The following SYNE2 variants were observed in gnomAD, a reference collection of about 807,000 sequenced individuals.
SYNE2 encodes the protein spectrin repeat containing nuclear envelope protein 2.
Under a neutral mutation model 856.3 loss-of-function variants are expected in SYNE2, and 431 were observed. The observed-to-expected ratio is 0.50, with a 90% CI of 0.47 to 0.55. The LOEUF (loss-of-function observed/expected upper bound fraction) is 0.55. SYNE2 is among the 20% of genes least tolerant of loss of function. SYNE2 has a pLI of 0.00. For synonymous variants in SYNE2, 2,923 were observed against 2,872.3 expected, an observed-to-expected ratio of 1.02 and a Z score of -0.56; for missense variants, 8,129 against 8,023.2, an observed-to-expected ratio of 1.01 and a Z score of -0.50.
At chr14:63,833,186 G>A (rs115589702) in intron 1 of SYNE2, among the ~76,000 whole-genome samples, 202 of 151,946 alleles carry the variant, frequency 1.3e-3, no homozygotes, top group African/African-American at 4.2e-3. Flanking sequence ...TCCAGCCTGG[G>A]TGACAAAGCA....
intron 1 of SYNE2, among the ~76,000 whole-genome samples, chr14:63,816,728 A>ATTTTAG (rs1158163130): frequency 8.6e-5 from 13 of 151,968 alleles, no homozygotes; most frequent in African/African-American, 2.9e-4. Flanking sequence ...TTTAATTTTA[A>ATTTTAG]TTTTTAGAGA....
At chr14:64,202,749 T>C in intron 99 of SYNE2, 52 bp from the exon 100 acceptor site, 4 of 1,612,606 alleles carry the variant, frequency 2.5e-6, no homozygotes, top group African/African-American at 2.7e-5. Context: ...GCTTTTGTTT[T>C]CCATCACTGG....
At chr14:64,197,980 A>G (rs2098547160) in intron 99 of SYNE2, among the ~76,000 whole-genome samples, 1 of 152,246 alleles carries the variant, frequency 6.6e-6, no homozygotes, top group Admixed American at 6.5e-5. Context: ...TTGGTTTCAT[A>G]GAAAACATTT....
intron 78 of SYNE2, among the ~76,000 whole-genome samples, chr14:64,136,855 G>T (rs1351684283): frequency 1.3e-5 from 2 of 152,084 alleles, no homozygotes; most frequent in East Asian, 3.8e-4. Context: ...GCTTTCGGGG[G>T]CAGAATAGAA....
At chr14:64,026,439 G>T (rs2096979370) in intron 41 of SYNE2, 140 bp from the exon 42 acceptor site, 4 of 692,834 alleles carry the variant, frequency 5.8e-6, no homozygotes, top group Non-Finnish European at 9.9e-6. Flanking sequence ...TGTCTTTCGG[G>T]TACATATAAA....
rs2097861105 is a variant in SYNE2, at chr14:64,117,447, A to T, written c.12841-1980A>T. Among the ~76,000 whole-genome samples the T allele has an allele frequency of 2.0e-5, 3 of 152,148 alleles. No individual in the cohort carries two copies. In the South Asian group the frequency reaches 6.2e-4, roughly 32 times the overall value. ...CCGGAATAGCTGGGACTACAGGCGT[A>T]CACCACCATGCCTGGCTAATTTTAT... On this transcript the variant is annotated intron_variant, in intron 66 of 115. Transcript: ENST00000555002.
intron 16 of SYNE2, among the ~76,000 whole-genome samples, chr14:63,981,513 G>A (rs1326609413): frequency 6.6e-6 from 1 of 152,142 alleles, no homozygotes; most frequent in Non-Finnish European, 1.5e-5. Flanking sequence ...GTACTGGCTA[G>A]CTTATAGACA....
At chr14:63,973,474 A>C (rs1474698133) in intron 11 of SYNE2, among the ~76,000 whole-genome samples, 8 of 151,774 alleles carry the variant, frequency 5.3e-5, no homozygotes, top group Non-Finnish European at 1.2e-4. Flanking sequence ...TCTACTAAAA[A>C]CACAAAAATT....
At chr14:64,172,164 A>G (rs996385763) in intron 94 of SYNE2, among the ~76,000 whole-genome samples, 1 of 152,188 alleles carries the variant, frequency 6.6e-6, no homozygotes, top group Non-Finnish European at 1.5e-5. Flanking sequence ...TATTTTTTAA[A>G]GATCACTCTG....
chr14:63,988,296 T>G (rs1232391848), intron 19 of SYNE2, among the ~76,000 whole-genome samples: 1 of 152,220 alleles, frequency 6.6e-6, no homozygotes, highest in Non-Finnish European at 1.5e-5. Flanking sequence ...CAGGCAGGCC[T>G]TGAACTCCTG....
chr14:64,137,859 G>A lies in SYNE2; in HGVS notation c.14719G>A (p.Ala4907Thr). The change falls in exon 79 of 116, where the codon GCG becomes ACG. Residue 4907 changes from alanine (A) to threonine (T), a missense_variant. By Grantham distance (58) the Ala-to-Thr change is moderately conservative. Coordinates refer to ENST00000555002, the MANE Select transcript of SYNE2 (RefSeq NM_182914.3). ...TCTGAACGAAGGCAAACAGTTGGTGGCGTCTGTGAGCTGTCCTGAATTAGA... is the reference window on the plus strand; with the variant it reads ...TCTGAACGAAGGCAAACAGTTGGTGACGTCTGTGAGCTGTCCTGAATTAGA... ...QTLNEGKQLV[A>T]SVSCPELEGQ... The A allele has an allele frequency of 6.2e-7, 1 of 1,614,204 alleles. No homozygotes were observed. The highest frequency in any genetic ancestry group is 8.5e-7 in the Non-Finnish European group (1 of 1,180,040).
rs1234265794 is a variant in SYNE2, at chr14:64,074,144, A to G, written c.10866+8A>G. 6.2e-7 allele frequency: 1 copy of G among 1,613,624 alleles called. No individual in the cohort carries two copies. Among genetic ancestry groups the G allele is most frequent in the Non-Finnish European group, 8.5e-7 (1 of 1,179,520 alleles). ...AAGTCAGAACAATTTGAGGTAAGTG[A>G]GGAATGAATTAGTGAATGTGGCAGG... On this transcript the variant is annotated splice_region_variant and intron_variant, in intron 53 of 115. Coordinates refer to ENST00000555002, the MANE Select transcript of SYNE2 (RefSeq NM_182914.3).
chr14:63,813,676 C>T (rs377223233), intron 1 of SYNE2, among the ~76,000 whole-genome samples: 1 of 151,756 alleles, frequency 6.6e-6, no homozygotes, highest in African/African-American at 2.4e-5. Context: ...GTAATCCCAA[C>T]ACTTTGGGAG....
chr14:63,829,836 C>T (rs371045918), intron 1 of SYNE2, among the ~76,000 whole-genome samples: 6 of 152,096 alleles, frequency 3.9e-5, no homozygotes, highest in Admixed American at 6.6e-5. Flanking sequence ...CCAGGCTGAT[C>T]TTGAACTCCT....
chr14:64,011,902 G>C (rs1460216696), intron 32 of SYNE2, among the ~76,000 whole-genome samples: 1 of 152,142 alleles, frequency 6.6e-6, no homozygotes, highest in Non-Finnish European at 1.5e-5. Flanking sequence ...CCCAGGTCTT[G>C]GTCTTTCTGC....
intron 1 of SYNE2, among the ~76,000 whole-genome samples, chr14:63,901,107 A>G (rs1482107520): frequency 6.6e-6 from 1 of 152,238 alleles, no homozygotes; most frequent in Admixed American, 6.5e-5. Context: ...CACCATTGAC[A>G]GAGTGGTTTT....
At chr14:64,154,750 G>A (rs1037038098) in intron 85 of SYNE2, among the ~76,000 whole-genome samples, 1 of 142,960 alleles carries the variant, frequency 7.0e-6, no homozygotes, top group African/African-American at 2.6e-5. Flanking sequence ...GCAAGACTAT[G>A]CCACTGCACT....
At chr14:63,893,507 T>TA (rs376392224) in intron 1 of SYNE2, among the ~76,000 whole-genome samples, 28 of 152,236 alleles carry the variant, frequency 1.8e-4, no homozygotes, top group African/African-American at 5.8e-4. Context: ...GAGGCTGCAG[T>TA]AAGGTAAGAT....
At chr14:64,119,391 C>A (rs2097880875) in intron 66 of SYNE2, 36 bp from the exon 67 acceptor site, 1 of 1,611,952 alleles carries the variant, frequency 6.2e-7, no homozygotes. Flanking sequence ...TCTTCAAGAA[C>A]AACATTATGA....
Sources: gnomAD v4.1 joint callset for allele counts (sites outside exome capture counted in the v4.1 genomes callset) on GRCh38, gnomAD v4.1.1 for gene constraint, MANE v1.5 for transcripts, NCBI Gene and HGNC (gene_info 2026-07-23, HGNC 2026-07-21) for gene names.